SHB: variants seen among roughly 807,000 people sequenced by gnomAD.
SHB encodes the protein SH2 domain containing adaptor protein B.
A neutral mutation model predicts 52.3 loss-of-function variants in SHB; 20 were observed. The observed-to-expected ratio is 0.38, with a 90% CI of 0.27 to 0.56. The LOEUF (loss-of-function observed/expected upper bound fraction) is 0.56, where lower values mean the gene tolerates loss of function less well. Among genes scored for constraint, SHB ranks in the 20% least tolerant of loss-of-function variants. The probability of loss-of-function intolerance (pLI) is 0.71; values close to 1 mark genes in which losing one functional copy is unlikely to be tolerated. For missense variants in SHB, 825 were observed against 723.3 expected (o/e 1.14, Z -1.61); for synonymous variants, 397 against 316.5 (o/e 1.25, Z -2.70).
intron 2 of SHB, among the ~76,000 whole-genome samples, chr9:37,982,982 T>C (rs199879623): frequency 0.023 from 1,837 of 80,958 alleles, 45 homozygotes; most frequent in African/African-American, 0.087. Flanking sequence ...TGCCCCCCCC[T>C]CCATCTTTTC....
In SHB at chr9:37,918,421, CTG is replaced by C. The variant is rs779864653; in HGVS notation, c.*1398_*1399del. Reference sequence around the variant, plus strand: ...TGGAAGCAGTGTGGACCACTGAGGGCTGTGTGTGTGTGTGTGTGTGTGTGTAG... The same window carrying C: ...TGGAAGCAGTGTGGACCACTGAGGGCTGTGTGTGTGTGTGTGTGTGTGTAG... On this transcript the variant is annotated 3_prime_UTR_variant, in exon 6 of 6. Coordinates refer to ENST00000377707, the MANE Select transcript of SHB (RefSeq NM_003028.3). Among the ~76,000 whole-genome samples, 634 of 92,026 alleles carry C rather than the reference CTG, an allele frequency of 6.9e-3. 17 individuals are homozygous for C. The highest frequency in any genetic ancestry group is 0.022 in the African/African-American group (544 of 24,890). The allele number at this position is 92,026 out of a possible 152,430, so 60.4% of individuals were successfully genotyped here. A position where few individuals can be genotyped will look rare whatever the true frequency, so the allele number is the denominator to read the frequency against.
At chr9:37,975,361 T>A (rs1339445371) in intron 2 of SHB, among the ~76,000 whole-genome samples, 1 of 152,166 alleles carries the variant, frequency 6.6e-6, no homozygotes, top group Non-Finnish European at 1.5e-5. Context: ...GCCACTTTTC[T>A]CCCCCGCAAA....
intron 1 of SHB, among the ~76,000 whole-genome samples, chr9:38,028,903 G>A (rs144791495): frequency 6.6e-6 from 1 of 152,266 alleles, no homozygotes; most frequent in African/African-American, 2.4e-5. Flanking sequence ...CATTCCACGG[G>A]GTGGTAGGGT....
At chr9:37,984,161 C>A (rs1174911556) in intron 2 of SHB, among the ~76,000 whole-genome samples, 1 of 152,178 alleles carries the variant, frequency 6.6e-6, no homozygotes, top group Admixed American at 6.5e-5. Context: ...GCCATTTCAA[C>A]GACCACTCCT....
chr9:38,035,212 G>C (rs1397138368), intron 1 of SHB, among the ~76,000 whole-genome samples: 2 of 152,026 alleles, frequency 1.3e-5, no homozygotes, highest in African/African-American at 4.8e-5. Flanking sequence ...CCAACCAGTA[G>C]AAGTTCTCAA....
At chr9:37,961,853 T>C (rs538170937) in intron 3 of SHB, among the ~76,000 whole-genome samples, 49 of 152,334 alleles carry the variant, frequency 3.2e-4, no homozygotes, top group African/African-American at 1.1e-3. Flanking sequence ...GGCATGTAGG[T>C]GTCTTCTCAG....
At position 37,957,389 on chromosome 9, in the gene SHB, G is replaced by A. The variant is rs1383573762; in HGVS notation, c.1055-1335C>T. 2.0e-5 allele frequency among the ~76,000 whole-genome samples: 3 copies of A among 152,220 alleles called. No homozygotes were observed. The East Asian group carries it at 5.8e-4, about 29-fold the overall frequency. ...GTCTGCTGAAACCGAGGAGCGTGAT[G>A]AACCTGTTCTACATCTCAGCCACTG... On this transcript the variant is annotated intron_variant, in intron 3 of 5. Transcript: ENST00000377707.
At chr9:37,962,713 T>C (rs925120028) in intron 3 of SHB, among the ~76,000 whole-genome samples, 1 of 151,882 alleles carries the variant, frequency 6.6e-6, no homozygotes, top group African/African-American at 2.4e-5. Context: ...CCTCTCGCTA[T>C]CTTACCCAGG....
chr9:38,007,230 G>A (rs1370115389), intron 2 of SHB, among the ~76,000 whole-genome samples: 1 of 152,236 alleles, frequency 6.6e-6, no homozygotes, highest in Non-Finnish European at 1.5e-5. Context: ...CAGAATGGGA[G>A]AGGCTGCTTA....
intron 4 of SHB, among the ~76,000 whole-genome samples, chr9:37,950,510 A>G (rs1832553168): frequency 6.6e-6 from 1 of 152,144 alleles, no homozygotes; most frequent in South Asian, 2.1e-4. Context: ...GAGTGGACAC[A>G]CTCAAAATAC....
At chr9:37,920,702 T>C (rs997933545) in intron 5 of SHB, among the ~76,000 whole-genome samples, 4 of 152,196 alleles carry the variant, frequency 2.6e-5, no homozygotes, top group Non-Finnish European at 4.4e-5. Context: ...GCTGGGTGGT[T>C]TTCCAGGCTC....
chr9:38,036,205 G>A (rs1476482922), intron 1 of SHB, among the ~76,000 whole-genome samples: 6 of 152,122 alleles, frequency 3.9e-5, no homozygotes, highest in Admixed American at 3.3e-4. Flanking sequence ...AGAAACACCA[G>A]CCACATTCGC....
chr9:38,005,757 T>C (rs1463645668), intron 2 of SHB, among the ~76,000 whole-genome samples: 1 of 152,100 alleles, frequency 6.6e-6, no homozygotes, highest in Non-Finnish European at 1.5e-5. Context: ...AGTCAAATAA[T>C]AGGGTGTGGG....
At chr9:37,950,715 A>G (rs941082292) in intron 4 of SHB, among the ~76,000 whole-genome samples, 24 of 152,314 alleles carry the variant, frequency 1.6e-4, no homozygotes, top group African/African-American at 5.8e-4. Flanking sequence ...AGCGAGGATC[A>G]TGCCAACCTC....
intron 1 of SHB, among the ~76,000 whole-genome samples, chr9:38,036,953 C>T (rs937330175): frequency 8.5e-5 from 13 of 152,160 alleles, no homozygotes; most frequent in African/African-American, 3.1e-4. Flanking sequence ...GTCTCTTAAT[C>T]TTATGCTCAA....
chr9:38,038,586 G>C (rs912688360), intron 1 of SHB, among the ~76,000 whole-genome samples: 2 of 152,176 alleles, frequency 1.3e-5, no homozygotes, highest in Non-Finnish European at 2.9e-5. Flanking sequence ...GGCTCAGAGA[G>C]ATTAAGAAAT....
At chr9:38,064,023 A>G (rs1417147472) in intron 1 of SHB, among the ~76,000 whole-genome samples, 1 of 152,112 alleles carries the variant, frequency 6.6e-6, no homozygotes, top group Admixed American at 6.5e-5. Flanking sequence ...AGCAGAAAAT[A>G]TAACTGGATG....
At chr9:38,036,345 C>T (rs1169700537) in intron 1 of SHB, among the ~76,000 whole-genome samples, 2 of 152,204 alleles carry the variant, frequency 1.3e-5, no homozygotes, top group Non-Finnish European at 1.5e-5. Flanking sequence ...TTATTAGCAT[C>T]TGGGAGGAAC....
chr9:37,956,398 CAG>C (rs976076443), intron 3 of SHB, among the ~76,000 whole-genome samples: 25 of 152,242 alleles, frequency 1.6e-4, no homozygotes, highest in African/African-American at 6.0e-4. Context: ...GGACAGTTCT[CAG>C]GGGAAAAAGC....
Sources: gnomAD v4.1 joint callset for allele counts (sites outside exome capture counted in the v4.1 genomes callset) on GRCh38, gnomAD v4.1.1 for gene constraint, MANE v1.5 for transcripts, NCBI Gene and HGNC (gene_info 2026-07-23, HGNC 2026-07-21) for gene names.